SMYD3: variants seen among roughly 807,000 people sequenced by gnomAD.
SMYD3 encodes SET and MYND domain containing 3.
A neutral mutation model predicts 57.7 loss-of-function variants in SMYD3; 36 were observed. The observed-to-expected ratio is 0.62, with a 90% CI of 0.48 to 0.82. The LOEUF is 0.82. Ranked by LOEUF, SMYD3 falls within the 40% of genes least tolerant of loss-of-function variation. SMYD3 has a pLI of 0.00. For missense variants in SMYD3, 515 were observed against 538.8 expected (o/e 0.96, Z 0.44); for synonymous variants, 211 against 195.0 (o/e 1.08, Z -0.68).
chr1:245,813,005 C>CTT lies in SMYD3; in HGVS notation c.1076+45489_1076+45490dup, dbSNP rs770448717. Among the ~76,000 whole-genome samples, 615 of 75,612 alleles carry CTT rather than the reference C, an allele frequency of 8.1e-3. 98 individuals carry two copies. The highest frequency in any genetic ancestry group is 0.012 in the Non-Finnish European group (453 of 38,970). The allele number at this position is 75,612 out of a possible 152,430, so 49.6% of individuals were successfully genotyped here. ...TGGAGCCATGGTCATGAGACAGCTT[C>CTT]TTTTTTTTTTTTTTTTTTTTTTTTT... On this transcript the variant is annotated intron_variant, in intron 10 of 11. Coordinates refer to ENST00000490107, the MANE Select transcript of SMYD3 (RefSeq NM_001167740.2).
At chr1:246,189,021 T>G (rs1408075882) in intron 5 of SMYD3, 4 of 152,178 alleles carry the variant, frequency 2.6e-5, no homozygotes, top group African/African-American at 9.7e-5. Context: ...GTTAAAAATA[T>G]GAAGTGTTTC....
chr1:246,446,826 G>A (rs953459260), intron 1 of SMYD3, among the ~76,000 whole-genome samples: 1 of 151,606 alleles, frequency 6.6e-6, no homozygotes, highest in Admixed American at 6.6e-5. Flanking sequence ...TCGGGAGATC[G>A]ACACCATCCT....
chr1:246,363,151 G>A (rs1194131236), intron 1 of SMYD3, among the ~76,000 whole-genome samples: 13 of 139,244 alleles, frequency 9.3e-5, no homozygotes, highest in East Asian at 4.4e-4. Context: ...CCCGGCAGCC[G>A]CCCCGTCTGA....
At chr1:246,328,648 T>C (rs1465099164) in intron 4 of SMYD3, among the ~76,000 whole-genome samples, 2 of 151,928 alleles carry the variant, frequency 1.3e-5, no homozygotes, top group African/African-American at 2.4e-5. Flanking sequence ...TTGTTAATTT[T>C]TTTTTGATGG....
intron 10 of SMYD3, among the ~76,000 whole-genome samples, chr1:245,838,260 C>A (rs1416090371): frequency 6.6e-6 from 1 of 152,222 alleles, no homozygotes; most frequent in African/African-American, 2.4e-5. Flanking sequence ...AGCCTGTGGG[C>A]TTAGGGGGCA....
chr1:245,983,882 G>A (rs1272245928), intron 5 of SMYD3, among the ~76,000 whole-genome samples: 5 of 152,136 alleles, frequency 3.3e-5, no homozygotes, highest in Admixed American at 1.3e-4. Context: ...TGTAATGAGG[G>A]AGAGAATAAA....
chr1:245,832,182 C>T (rs138029815), intron 10 of SMYD3, among the ~76,000 whole-genome samples: 730 of 152,306 alleles, frequency 4.8e-3, no homozygotes, highest in Non-Finnish European at 7.7e-3. Context: ...TCTCACCCTT[C>T]GGGGCTCGTT....
chr1:245,849,594 T>C (rs1235390174), intron 10 of SMYD3, among the ~76,000 whole-genome samples: 1 of 152,182 alleles, frequency 6.6e-6, no homozygotes, highest in Non-Finnish European at 1.5e-5. Flanking sequence ...GATTATCACT[T>C]CTGATTTGAA....
At chr1:245,949,809 C>CAAA (rs538555005) in intron 5 of SMYD3, among the ~76,000 whole-genome samples, 5 of 145,142 alleles carry the variant, frequency 3.4e-5, no homozygotes, top group African/African-American at 1.2e-4. Context: ...ACCCTGTCTC[C>CAAA]AAAAAAAAGA....
intron 1 of SMYD3, among the ~76,000 whole-genome samples, chr1:246,435,682 C>A (rs1337374575): frequency 1.4e-5 from 2 of 148,084 alleles, no homozygotes; most frequent in African/African-American, 5.0e-5. Context: ...AGAGTAATAG[C>A]GTTGAGACTC....
intron 1 of SMYD3, among the ~76,000 whole-genome samples, chr1:246,357,500 G>A (rs183731996): frequency 8.1e-4 from 123 of 152,224 alleles, no homozygotes; most frequent in African/African-American, 2.7e-3. Context: ...AGCAGGCCTC[G>A]GGGCTGCTCT....
intron 5 of SMYD3, among the ~76,000 whole-genome samples, chr1:245,933,300 C>G (rs2056826680): frequency 6.6e-6 from 1 of 151,978 alleles, no homozygotes; most frequent in Non-Finnish European, 1.5e-5. Flanking sequence ...GGTACTACTT[C>G]AATAAAAAAT....
intron 5 of SMYD3, among the ~76,000 whole-genome samples, chr1:246,220,754 G>A (rs2063241024): frequency 6.6e-6 from 1 of 152,174 alleles, no homozygotes; most frequent in Non-Finnish European, 1.5e-5. Flanking sequence ...GAAACTTGTG[G>A]TGCCTTTTCC....
At chr1:246,367,757 G>A (rs2066130301) in intron 1 of SMYD3, among the ~76,000 whole-genome samples, 1 of 152,118 alleles carries the variant, frequency 6.6e-6, no homozygotes, top group Non-Finnish European at 1.5e-5. Flanking sequence ...AAAAATAAGT[G>A]AGGAATGTAT....
chr1:245,749,379 C>A lies in SMYD3; in HGVS notation c.*184G>T. ...CCAAATGTTTTGAATTTATTATAAT[C>A]GTGCTTCTCTACAACTAATGATTCT... On this transcript the variant is annotated 3_prime_UTR_variant, in exon 12 of 12. Transcript: ENST00000490107. 2.0e-6 allele frequency: 1 copy of A among 498,632 alleles called. No homozygotes were observed. The highest frequency in any genetic ancestry group is 3.5e-6 in the Non-Finnish European group (1 of 284,006). 30.9% of individuals were successfully genotyped at this position (498,632 alleles called of 1,614,324 possible).
chr1:246,139,028 T>C (rs1291300660), intron 5 of SMYD3, among the ~76,000 whole-genome samples: 6 of 152,168 alleles, frequency 3.9e-5, no homozygotes, highest in Admixed American at 3.9e-4. Flanking sequence ...TCACAATGCC[T>C]GAATACTCTC....
intron 1 of SMYD3, among the ~76,000 whole-genome samples, chr1:246,373,569 A>G (rs2148734320): frequency 6.6e-6 from 1 of 152,296 alleles, no homozygotes; most frequent in African/African-American, 2.4e-5. Flanking sequence ...GCTAAATACA[A>G]AAATCTAATA....
chr1:245,813,005 C>CTTTTTTT (rs770448717), intron 10 of SMYD3, among the ~76,000 whole-genome samples: 3 of 75,628 alleles, frequency 4.0e-5, no homozygotes, highest in East Asian at 5.0e-4. Context: ...GAGACAGCTT[C>CTTTTTTT]TTTTTTTTTT....
At chr1:245,843,448 T>C (rs2050499727) in intron 10 of SMYD3, among the ~76,000 whole-genome samples, 1 of 152,112 alleles carries the variant, frequency 6.6e-6, no homozygotes, top group African/African-American at 2.4e-5. Context: ...AAATAAAATC[T>C]CCTGCTTTTT....
Sources: gnomAD v4.1 joint callset for allele counts (sites outside exome capture counted in the v4.1 genomes callset) on GRCh38, gnomAD v4.1.1 for gene constraint, MANE v1.5 for transcripts, NCBI Gene and HGNC (gene_info 2026-07-23, HGNC 2026-07-21) for gene names.